Variants in STARD9 observed in about 807,000 individuals in gnomAD.
STARD9 encodes stAR-related lipid transfer protein 9.
In STARD9, 346 loss-of-function variants were observed where a neutral mutation model predicts 399.8. The ratio of observed to expected loss-of-function variants is 0.87; its 90% CI spans 0.79 to 0.95. The LOEUF is 0.95. Among genes scored for constraint, STARD9 ranks in the 40% least tolerant of loss-of-function variants. The pLI, the probability that STARD9 is intolerant of heterozygous loss-of-function variation, is 0.00. For synonymous variants in STARD9, 2,203 were observed against 2,143.5 expected, an observed-to-expected ratio of 1.03 and a Z score of -0.77; for missense variants, 5,832 against 5,667.5, an observed-to-expected ratio of 1.03 and a Z score of -0.93.
rs549308054 is a variant in STARD9, at chr15:42,690,909, C to T, written c.9331C>T (p.Pro3111Ser). 30 of 1,537,116 alleles carry T rather than the reference C, an allele frequency of 2.0e-5. No homozygotes were observed. The East Asian group carries it at 6.6e-4, about 34-fold the overall frequency. ...TTTCCCTGCAGGCATGTACTCTGAG[C>T]CCCTGAGGCAGTTTAGGGACAGCTC... ...ASFPAGMYSEPLRQFRDSSVG... is the reference protein window; with the variant it reads ...ASFPAGMYSESLRQFRDSSVG... The change falls in exon 23 of 33, where the codon CCC (proline) becomes TCC (serine). Residue 3111 changes from proline to serine, a missense_variant. Pro to Ser is a moderately conservative substitution (Grantham distance 74, BLOSUM62 -1). Transcript: ENST00000290607.
chr15:42,603,466 T>A (rs1167997291), intron 3 of STARD9, among the ~76,000 whole-genome samples: 1 of 151,692 alleles, frequency 6.6e-6, no homozygotes, highest in Non-Finnish European at 1.5e-5. Flanking sequence ...GAGGAAACAA[T>A]TTGTGTCTTT....
At position 42,693,777 on chromosome 15, in the gene STARD9, G is replaced by C. The variant is rs775083681; in HGVS notation, c.12199G>C (p.Gly4067Arg). ...TGGAGGTGAGAGTTCAGCATCTCCA[G>C]GGGAACCACAACGCACTCTGGACCG... Reference protein sequence around the residue: ...ENGGESSASPGEPQRTLDRPS... With the variant: ...ENGGESSASPREPQRTLDRPS... Residue 4067 changes from glycine to arginine, a missense_variant, in exon 23 of 33, where the codon GGG becomes CGG. Physicochemically the swap from Gly to Arg is moderately radical, Grantham distance 125 (BLOSUM62 -2). Transcript: ENST00000290607. 115 of 1,536,298 alleles carry C rather than the reference G, an allele frequency of 7.5e-5. No homozygotes were observed. Among genetic ancestry groups the C allele is most frequent in the African/African-American group, 1.4e-5 (1 of 73,054 alleles).
chr15:42,610,926 A>G (rs1566872683), intron 3 of STARD9, among the ~76,000 whole-genome samples: 1 of 152,262 alleles, frequency 6.6e-6, no homozygotes, highest in African/African-American at 2.4e-5. Flanking sequence ...AGTATCAGTC[A>G]CAGTAAGAAA....
At chr15:42,669,552 T>C (rs1405285217) in intron 16 of STARD9, 1 of 413,290 alleles carries the variant, frequency 2.4e-6, no homozygotes, top group Non-Finnish European at 4.4e-6. Context: ...ATCAGAACAA[T>C]TGTTTTTCAA....
intron 7 of STARD9, among the ~76,000 whole-genome samples, chr15:42,650,184 G>T (rs567485818): frequency 1.3e-5 from 2 of 152,080 alleles, no homozygotes; most frequent in Non-Finnish European, 2.9e-5. Flanking sequence ...TTTTAAGTCG[G>T]CCTGGTAGCT....
chr15:42,604,448 TTAAAAAC>T (rs1158739829), intron 3 of STARD9, among the ~76,000 whole-genome samples: 1 of 152,098 alleles, frequency 6.6e-6, no homozygotes, highest in Non-Finnish European at 1.5e-5. Context: ...TATTTGTCCT[TTAAAAAC>T]TAATAGTTCT....
In STARD9 at chr15:42,628,199, T is replaced by A. The variant is rs567901281; in HGVS notation, c.235-6657T>A. ...TCTGATGATCAGTGATGTTAATATA[T>A]CTTTTTATATGTCTGTCATTTGTAT... On this transcript the variant is annotated intron_variant, in intron 3 of 32. Coordinates refer to ENST00000290607, the MANE Select transcript of STARD9 (RefSeq NM_020759.3). Among the ~76,000 whole-genome samples the A allele has an allele frequency of 4.6e-5, 7 of 152,346 alleles. No individual in the cohort carries two copies. The South Asian group carries it at 1.4e-3, about 32-fold the overall frequency.
rs2060655216 is a variant in STARD9, at chr15:42,690,107, CT to C, written c.8532del (p.Phe2844LeufsTer18). On this transcript the variant is annotated frameshift_variant, in exon 23 of 33. Transcript: ENST00000290607. LOFTEE classifies it high-confidence loss of function. ...HVQCPEASTGFEEGRASPKQD... is the reference protein window; with the variant it reads ...HVQCPEASTGXEEGRASPKQD... The stretch of plus-strand genomic sequence containing the variant: ...TCCAATGCCCTGAGGCTTCTACTGG[CT>C]TTGAAGAAGGTAGGGCAAGTCCCAA... The C allele has an allele frequency of 4.6e-6, 7 of 1,537,754 alleles. No homozygotes were observed. The highest frequency in any genetic ancestry group is 6.1e-6 in the Non-Finnish European group (7 of 1,147,034).
intron 3 of STARD9, among the ~76,000 whole-genome samples, chr15:42,611,673 T>C (rs1283449776): frequency 1.3e-5 from 2 of 152,212 alleles, no homozygotes; most frequent in African/African-American, 2.4e-5. Context: ...TGCTCTTCAG[T>C]GTGTCTACTT....
chr15:42,655,094 C>T (rs535436686), intron 9 of STARD9, among the ~76,000 whole-genome samples: 6 of 152,248 alleles, frequency 3.9e-5, no homozygotes, highest in Non-Finnish European at 8.8e-5. Flanking sequence ...CCAGCCTGGC[C>T]AACATGGTGA....
At chr15:42,604,059 T>A (rs2058682863) in intron 3 of STARD9, among the ~76,000 whole-genome samples, 1 of 152,152 alleles carries the variant, frequency 6.6e-6, no homozygotes, top group Non-Finnish European at 1.5e-5. Context: ...TGTTACCTGT[T>A]TCAAAGTTAA....
chr15:42,649,175 G>T (rs938804777), intron 7 of STARD9, among the ~76,000 whole-genome samples: 6 of 151,810 alleles, frequency 4.0e-5, no homozygotes, highest in African/African-American at 1.5e-4. Context: ...GATTACAGTC[G>T]CGCACCACCA....
chr15:42,580,605 A>C (rs1401343359), intron 1 of STARD9, among the ~76,000 whole-genome samples: 1 of 152,130 alleles, frequency 6.6e-6, no homozygotes, highest in Non-Finnish European at 1.5e-5. Flanking sequence ...CACAAGGTCA[A>C]GAGTTCGAGA....
chr15:42,693,131 A>G lies in STARD9; in HGVS notation c.11553A>G (p.Ser3851=), dbSNP rs568717071. 3.3e-6 allele frequency: 5 copies of G among 1,537,140 alleles called. No individual in the cohort carries two copies. In the East Asian group the frequency reaches 9.8e-5, roughly 30 times the overall value. ...FLPPSSQPEE[S]YCLVVSSPSP... ...CTCCCAGCTCCCAGCCAGAGGAGTC[A>G]TATTGCTTAGTTGTCAGCAGTCCCA... The change falls in exon 23 of 33, where the codon TCA becomes TCG. Residue 3851 remains serine (S), a synonymous_variant. Coordinates refer to ENST00000290607, the MANE Select transcript of STARD9 (RefSeq NM_020759.3).
chr15:42,600,221 G>A (rs929878955), intron 3 of STARD9, among the ~76,000 whole-genome samples: 6 of 152,280 alleles, frequency 3.9e-5, no homozygotes, highest in African/African-American at 1.4e-4. Flanking sequence ...TTTCAGAAGC[G>A]TACTGGATAC....
intron 9 of STARD9, among the ~76,000 whole-genome samples, chr15:42,652,819 G>T: frequency 6.6e-6 from 1 of 152,050 alleles, no homozygotes; most frequent in East Asian, 1.9e-4. Flanking sequence ...GGGATTACAG[G>T]AGACGCCACC....
At chr15:42,715,602 C>CCT (rs2061335279) in intron 26 of STARD9, among the ~76,000 whole-genome samples, 1 of 151,246 alleles carries the variant, frequency 6.6e-6, no homozygotes, top group African/African-American at 2.4e-5. Flanking sequence ...CTCACTGCAA[C>CCT]CTCTGCGTCC....
chr15:42,691,030 C>T lies in STARD9; in HGVS notation c.9452C>T (p.Ala3151Val). 6.5e-7 allele frequency: 1 copy of T among 1,537,212 alleles called. No homozygotes were observed. The highest frequency in any genetic ancestry group is 1.2e-5 in the South Asian group (1 of 84,060). ...PHTLDLSEGS[A>V]ESKLVVEPQH... ...ACCCTGGATTTAAGTGAAGGGTCTG[C>T]TGAGAGCAAGTTGGTGGTAGAGCCA... Residue 3151 changes from alanine (A) to valine (V), a missense_variant, in exon 23 of 33, where the codon GCT (alanine) becomes GTT (valine). This residue lies in a region of STARD9 where 5,828 missense variants were observed against 5,651.1 expected (regional missense o/e 1.03). Coordinates refer to ENST00000290607, the MANE Select transcript of STARD9 (RefSeq NM_020759.3).
intron 7 of STARD9, among the ~76,000 whole-genome samples, chr15:42,648,302 A>T (rs986902091): frequency 6.6e-5 from 10 of 152,122 alleles, no homozygotes; most frequent in Admixed American, 1.3e-4. Context: ...AGCTGGGATT[A>T]CAGGCACATG....
Sources: gnomAD v4.1 joint callset for allele counts (sites outside exome capture counted in the v4.1 genomes callset) on GRCh38, gnomAD v4.1.1 for gene constraint, gnomAD v4.1.1 regional missense constraint, MANE v1.5 for transcripts, NCBI Gene and HGNC (gene_info 2026-07-23, HGNC 2026-07-21) for gene names.